YARS2: variants seen among roughly 807,000 people sequenced by gnomAD.
YARS2 encodes the protein tyrosine--tRNA ligase, mitochondrial.
In YARS2, 38 loss-of-function variants were observed where a neutral mutation model predicts 45.0. The observed-to-expected ratio is 0.84, with a 90% confidence interval of 0.65 to 1.11. YARS2 has a LOEUF of 1.11. Ranked by LOEUF, YARS2 falls within the 50% of genes least tolerant of loss-of-function variation. The pLI is 0.00. For synonymous variants in YARS2, 287 were observed against 245.1 expected (o/e 1.17, Z -1.60); for missense variants, 602 against 599.8 (o/e 1.00, Z -0.04).
rs1397275835 is a variant in YARS2, at chr12:32,747,233, A to G, written c.1405T>C (p.Phe469Leu). Residue 469 changes from phenylalanine to leucine, a missense_variant, in exon 5 of 5, where the codon TTC becomes CTC. Phe to Leu is a conservative substitution (Grantham distance 22). Coordinates refer to ENST00000324868, the MANE Select transcript of YARS2 (RefSeq NM_001040436.3). ...LSLLKIGKRN[F>L]YIIKWLQL is the part of the protein sequence containing the mutation. ...AACTGAAGCCATTTTATAATGTAGA[A>G]ATTTCTTTTTCCTATTTTAAGTAAG... is the stretch of plus-strand genomic sequence containing the variant. The G allele has an allele frequency of 1.2e-6, 2 of 1,613,434 alleles. No homozygotes were observed. The highest frequency in any genetic ancestry group is 4.5e-5 in the East Asian group (2 of 44,862).
chr12:32,747,415 G>A, intron 4 of YARS2, 52 bp from the exon 5 acceptor site: 2 of 1,581,660 alleles, frequency 1.3e-6, no homozygotes, highest in Non-Finnish European at 1.7e-6. Context: ...CTGTTGATCT[G>A]TCCCCCAAAA....
intron 2 of YARS2, among the ~76,000 whole-genome samples, chr12:32,753,497 A>G (rs1955788314): frequency 6.6e-6 from 1 of 152,202 alleles, no homozygotes; most frequent in African/African-American, 2.4e-5. Flanking sequence ...TTTCTCATTA[A>G]TTCATATTCT....
intron 4 of YARS2, among the ~76,000 whole-genome samples, chr12:32,748,951 G>A (rs750733649): frequency 3.9e-5 from 6 of 152,104 alleles, no homozygotes; most frequent in African/African-American, 7.2e-5. Flanking sequence ...ATTTAAAAAT[G>A]GATAAGCATC....
chr12:32,752,339 C>T (rs1348530060), intron 2 of YARS2, among the ~76,000 whole-genome samples: 2 of 152,104 alleles, frequency 1.3e-5, no homozygotes, highest in East Asian at 3.8e-4. Flanking sequence ...GGCGCAGTGG[C>T]TCACGTCTGT....
rs768645004 is a variant in YARS2 at position 32,755,095 on chromosome 12, C to G, written c.779+1G>C. 2 of 1,614,146 alleles carry G rather than the reference C, an allele frequency of 1.2e-6. No homozygotes were observed. The highest frequency in any genetic ancestry group is 1.7e-6 in the Non-Finnish European group (2 of 1,180,020). On this transcript the variant is annotated splice_donor_variant, in intron 1 of 4. Coordinates refer to ENST00000324868, the MANE Select transcript of YARS2 (RefSeq NM_001040436.3). LOFTEE classifies it high-confidence loss of function. ...TTTCCCCAAGGTTTAAAGGCACTTA[C>G]TTGTTGATGAACTCATATCCGGACA...
In YARS2 at chr12:32,753,981, T is replaced by C; in HGVS notation, c.884A>G (p.Asp295Gly). Residue 295 changes from aspartate (D) to glycine (G), a missense_variant, in exon 2 of 5, where the codon GAT (aspartate) becomes GGT (glycine). Coordinates refer to ENST00000324868, the MANE Select transcript of YARS2 (RefSeq NM_001040436.3). ...ATACAATTCAAATGGAGATGTCTTA[T>C]CTCTGTTTAGCCAAACAGCGTTGCC... ...SAGNAVWLNR[D>G]KTSPFELYQF... 1 of 1,614,238 alleles carries C rather than the reference T, an allele frequency of 6.2e-7. No homozygotes were observed. The highest frequency in any genetic ancestry group is 8.5e-7 in the Non-Finnish European group (1 of 1,180,038).
Position 32,749,945 on chromosome 12 carries a change from A to G in YARS2, c.1266T>C (p.Gly422=). 6.2e-7 allele frequency: 1 copy of G among 1,614,080 alleles called. No homozygotes were observed. Among genetic ancestry groups the G allele is most frequent in the African/African-American group, 1.3e-5 (1 of 75,014 alleles). ...AAGTTAAATAATCTTACCCTCGGGG[A>G]CCATCTGGAATGGCATTTGCTTTGC... ...TCRKANAIPD[G]PRGYRMITEG... The change falls in exon 4 of 5, where the codon GGT becomes GGC. Residue 422 remains glycine, a synonymous_variant. Coordinates refer to ENST00000324868, the MANE Select transcript of YARS2 (RefSeq NM_001040436.3).
chr12:32,749,711 G>T (rs1410493900), intron 4 of YARS2, among the ~76,000 whole-genome samples: 1 of 152,080 alleles, frequency 6.6e-6, no homozygotes, highest in Non-Finnish European at 1.5e-5. Flanking sequence ...CTCCCAAGTA[G>T]CTGGGACTAC....
chr12:32,752,546 G>A (rs1312431157), intron 2 of YARS2, among the ~76,000 whole-genome samples: 1 of 152,006 alleles, frequency 6.6e-6, no homozygotes, highest in African/African-American at 2.4e-5. Context: ...CTTGAGGTCA[G>A]GAGTTCGAGA....
chr12:32,755,220 A>C lies in YARS2; in HGVS notation c.655T>G (p.Phe219Val). 1.2e-6 allele frequency: 2 copies of C among 1,614,056 alleles called. No individual in the cohort carries two copies. Among genetic ancestry groups the C allele is most frequent in the Non-Finnish European group, 1.7e-6 (2 of 1,180,014 alleles). ...KSPEGMSLAE[F>V]FYQVLQAYDF... ...TAGGCCTGGAGCACCTGGTAAAAGA[A>C]CTCGGCCAAGCTCATGCCCTCGGGG... The change falls in exon 1 of 5, where the codon TTC (phenylalanine) becomes GTC (valine). Residue 219 changes from phenylalanine to valine, a missense_variant. Physicochemically the swap from Phe to Val is conservative, Grantham distance 50. Transcript: ENST00000324868.
At position 32,755,144 on chromosome 12, in the gene YARS2, C is replaced by T; in HGVS notation, c.731G>A (p.Gly244Glu). 1 of 1,614,172 alleles carries T rather than the reference C, an allele frequency of 6.2e-7. No homozygotes were observed. Among genetic ancestry groups the T allele is most frequent in the Non-Finnish European group, 8.5e-7 (1 of 1,180,042 alleles). ...QRYGCRVQLGGSDQLGNIMSG... is the reference protein window; with the variant it reads ...QRYGCRVQLGESDQLGNIMSG... ...CATGATGTTGCCTAGTTGATCAGAT[C>T]CGCCCAGCTGGACCCTGCATCCATA... is the stretch of plus-strand genomic sequence containing the variant. Residue 244 changes from glycine to glutamate, a missense_variant, in exon 1 of 5, where the codon GGA becomes GAA. By Grantham distance (98) the Gly-to-Glu change is moderately conservative. Transcript: ENST00000324868.
chr12:32,750,634 G>C, intron 3 of YARS2, 85 bp downstream of exon 3: 1 of 1,565,292 alleles, frequency 6.4e-7, no homozygotes, highest in Non-Finnish European at 8.7e-7. Context: ...TAAATGACAA[G>C]ATAATCCTAA....
At position 32,750,040 on chromosome 12, in the gene YARS2, C is replaced by A; in HGVS notation, c.1171G>T (p.Glu391Ter). The A allele has an allele frequency of 1.2e-6, 2 of 1,614,020 alleles. No homozygotes were observed. The highest frequency in any genetic ancestry group is 1.7e-6 in the Non-Finnish European group (2 of 1,179,904). ...LEVMSDQELKELFKEAPFSEF... is the reference protein window; with the variant it reads ...LEVMSDQELK ...GAAAATGGAGCTTCTTTAAACAACT[C>A]TTTTAACTCCTGATCAGACATGACC... The change falls in exon 4 of 5, where the codon GAG (glutamate) becomes TAG (stop). Residue 391 changes from glutamate (E) to a stop codon, truncating the protein, a stop_gained. Transcript: ENST00000324868. LOFTEE classifies it high-confidence loss of function.
chr12:32,753,802 C>T (rs527726842), intron 2 of YARS2, 116 bp downstream of exon 2: 1 of 1,331,842 alleles, frequency 7.5e-7, no homozygotes, highest in Non-Finnish European at 1.1e-6. Flanking sequence ...GGTTTATGTA[C>T]AGACAGAAAC....
In YARS2 at chr12:32,755,859, A is replaced by G; in HGVS notation, c.16T>C (p.Leu6=). The change falls in exon 1 of 5, where the codon TTG becomes CTG. Residue 6 remains leucine, a synonymous_variant. Transcript: ENST00000324868. MAAPI[L]RSFSWGRWSG... Reference sequence around the variant, plus strand: ...CACCGGCCCCAGGAAAAGGACCGCAAGATGGGCGCCGCCATCTTGGTAGCG... The same window carrying G: ...CACCGGCCCCAGGAAAAGGACCGCAGGATGGGCGCCGCCATCTTGGTAGCG... 1 of 1,613,234 alleles carries G rather than the reference A, an allele frequency of 6.2e-7. No homozygotes were observed. The highest frequency in any genetic ancestry group is 8.5e-7 in the Non-Finnish European group (1 of 1,180,036).
chr12:32,750,496 C>T (rs1043427614), intron 3 of YARS2, among the ~76,000 whole-genome samples: 13 of 152,104 alleles, frequency 8.5e-5, no homozygotes, highest in Non-Finnish European at 1.5e-4. Context: ...CCACCGCGCC[C>T]GGCATAGACT....
At position 32,755,666 on chromosome 12, in the gene YARS2, G is replaced by C. The variant is rs1955834836; in HGVS notation, c.209C>G (p.Ala70Gly). Residue 70 changes from alanine (A) to glycine (G), a missense_variant, in exon 1 of 5, where the codon GCG becomes GGG. Ala to Gly is a moderately conservative substitution (Grantham distance 60). Transcript: ENST00000324868. ...ELPELFDRGTASFPQTIYCGF... is the reference protein window; with the variant it reads ...ELPELFDRGTGSFPQTIYCGF... The stretch of plus-strand genomic sequence containing the variant: ...ACAGTAAATGGTTTGGGGAAAACTC[G>C]CCGTGCCACGGTCGAAGAGCTCTGG... 6.2e-7 allele frequency: 1 copy of C among 1,614,142 alleles called. No individual in the cohort carries two copies. The highest frequency in any genetic ancestry group is 1.3e-5 in the African/African-American group (1 of 74,952).
rs997944907 is a variant in YARS2 at position 32,746,976 on chromosome 12, G to A, written c.*228C>T. On this transcript the variant is annotated 3_prime_UTR_variant, in exon 5 of 5. Coordinates refer to ENST00000324868, the MANE Select transcript of YARS2 (RefSeq NM_001040436.3). ...AAAGAGATTAACCCTGAAAATCATG[G>A]TTTTCTATGGTAATCAAGCTTTGTA... 4.1e-5 allele frequency: 20 copies of A among 490,642 alleles called. No individual in the cohort carries two copies. The highest frequency in any genetic ancestry group is 5.4e-5 in the Non-Finnish European group (15 of 278,040). The allele number at this position is 490,642 out of a possible 1,614,324, so 30.4% of individuals were successfully genotyped here.
chr12:32,749,983 G>A lies in YARS2; in HGVS notation c.1228C>T (p.Leu410=). 6.2e-7 allele frequency: 1 copy of A among 1,614,022 alleles called. No individual in the cohort carries two copies. Among genetic ancestry groups the A allele is most frequent in the Non-Finnish European group, 8.5e-7 (1 of 1,180,006 alleles). ...EFFLDPGTSV[L]DTCRKANAIP... is the part of the protein sequence containing the mutation. ...GCATTTGCTTTGCGGCAAGTATCTA[G>A]GACACTTGTTCCAGGATCGAGAAAA... The change falls in exon 4 of 5, where the codon CTA becomes TTA. Residue 410 remains leucine, a synonymous_variant. Transcript: ENST00000324868.
Sources: allele counts gnomAD v4.1 joint callset (sites outside exome capture counted in the v4.1 genomes callset), GRCh38; gene constraint gnomAD v4.1.1; transcripts MANE v1.5; gene names NCBI Gene and HGNC (gene_info 2026-07-23, HGNC 2026-07-21).